Variants in LAMA1 observed in about 807,000 individuals in gnomAD.
The protein encoded by LAMA1 is laminin subunit alpha 1.
In LAMA1, 219 loss-of-function variants were observed where a neutral mutation model predicts 348.7. The observed-to-expected ratio is 0.63, with a 90% confidence interval of 0.56 to 0.70. LAMA1 has a LOEUF of 0.70. Ranked by LOEUF, LAMA1 falls within the 30% of genes least tolerant of loss-of-function variation. The pLI, the probability that LAMA1 is intolerant of heterozygous loss-of-function variation, is 0.00. For synonymous variants in LAMA1, 1,487 were observed against 1,491.0 expected (o/e 1.00, Z 0.06); for missense variants, 3,744 against 3,888.0 (o/e 0.96, Z 0.99).
chr18:6,993,948 G>A (rs2057769521), intron 34 of LAMA1, among the ~76,000 whole-genome samples, 196 bp from the exon 35 acceptor site: 1 of 152,184 alleles, frequency 6.6e-6, no homozygotes, highest in African/African-American at 2.4e-5. Context: ...AGTAGTTAAT[G>A]AAATAATTTA....
intron 1 of LAMA1, among the ~76,000 whole-genome samples, chr18:7,098,507 T>G (rs528420184): frequency 5.1e-4 from 74 of 143,692 alleles, no homozygotes; most frequent in African/African-American, 1.9e-3. Flanking sequence ...CGCCGCCCCG[T>G]CTGGGATGTG....
At chr18:7,037,447 A>G (rs1459384341) in intron 12 of LAMA1, 131 bp downstream of exon 12, 2 of 968,996 alleles carry the variant, frequency 2.1e-6, no homozygotes, top group African/African-American at 1.6e-5. Flanking sequence ...AGATGCAAGT[A>G]CAGGCTATGA....
intron 51 of LAMA1, among the ~76,000 whole-genome samples, chr18:6,963,155 C>A (rs1232576948): frequency 6.6e-6 from 1 of 152,008 alleles, no homozygotes; most frequent in Admixed American, 6.6e-5. Flanking sequence ...ATCTCAATTT[C>A]TTTCCATGTA....
chr18:7,031,186 A>G (rs1748131893), intron 16 of LAMA1, among the ~76,000 whole-genome samples: 1 of 152,154 alleles, frequency 6.6e-6, no homozygotes, highest in Non-Finnish European at 1.5e-5. Flanking sequence ...TTTTGGAAAA[A>G]GCATGAACAT....
In LAMA1 at chr18:6,982,509, T is replaced by A. The variant is rs2057716446; in HGVS notation, c.5878A>T (p.Arg1960Trp). ...GCCACATACTGACCTGGAAGCTTCCTGCTGAGGTTGTTGCCTTCTTTTAGA... is the reference window on the plus strand; with the variant it reads ...GCCACATACTGACCTGGAAGCTTCCAGCTGAGGTTGTTGCCTTCTTTTAGA... ...RFLKEGNNLS[R>W]KLPGIALELS... is the part of the protein sequence containing the mutation. The change falls in exon 41 of 63, where the codon AGG becomes TGG. Residue 1960 changes from arginine to tryptophan, a missense_variant. By Grantham distance (101) the Arg-to-Trp change is moderately radical. Transcript: ENST00000389658. 6 of 1,614,230 alleles carry A rather than the reference T, an allele frequency of 3.7e-6. No individual in the cohort carries two copies. Among genetic ancestry groups the A allele is most frequent in the Non-Finnish European group, 4.2e-6 (5 of 1,180,026 alleles).
intron 9 of LAMA1, among the ~76,000 whole-genome samples, chr18:7,040,612 T>G (rs1158762399): frequency 2.6e-5 from 4 of 152,220 alleles, no homozygotes. Context: ...TTCAAAATGT[T>G]AAGTTATAGA....
chr18:6,998,356 C>G (rs751860045), intron 32 of LAMA1, among the ~76,000 whole-genome samples: 33 of 152,156 alleles, frequency 2.2e-4, no homozygotes, highest in Admixed American at 9.8e-4. Flanking sequence ...TAAGGCAGAA[C>G]TGGAGAACGG....
chr18:6,945,361 G>T (rs2143963369), intron 61 of LAMA1, among the ~76,000 whole-genome samples: 1 of 152,260 alleles, frequency 6.6e-6, no homozygotes, highest in East Asian at 1.9e-4. Context: ...AAGGGCAAAA[G>T]GTCAGACATG....
At chr18:7,023,038 A>T (rs1261002144) in intron 19 of LAMA1, 126 bp downstream of exon 19, 3 of 975,082 alleles carry the variant, frequency 3.1e-6, no homozygotes, top group Admixed American at 4.3e-5. Flanking sequence ...ACCCAGCATT[A>T]ATGCAAGTAA....
chr18:6,970,448 T>C (rs546182546), intron 48 of LAMA1, among the ~76,000 whole-genome samples: 1 of 152,296 alleles, frequency 6.6e-6, no homozygotes, highest in Non-Finnish European at 1.5e-5. Context: ...AGAACGATGA[T>C]CATTTTTCTT....
chr18:6,943,155 TG>T, intron 62 of LAMA1, 24 bp downstream of exon 62: 1 of 1,596,592 alleles, frequency 6.3e-7, no homozygotes, highest in Non-Finnish European at 8.6e-7. Flanking sequence ...CCCTTTTGAG[TG>T]GAAGAGCAGG....
Position 6,985,386 on chromosome 18 carries a change from G to A in LAMA1, c.5511C>T (p.His1837=), listed in dbSNP as rs2057729875. Residue 1837 remains histidine, a synonymous_variant, in exon 39 of 63, where the codon CAC becomes CAT. Coordinates refer to ENST00000389658, the MANE Select transcript of LAMA1 (RefSeq NM_005559.4). ...CAGACCATAAAAGTAGCTTATCCTGGTGATCCTCTAAGTGCTACATGGAGA... is the reference window on the plus strand; with the variant it reads ...CAGACCATAAAAGTAGCTTATCCTGATGATCCTCTAAGTGCTACATGGAGA... ...VQDALEHLED[H]QDKLLLWSAK... is the part of the protein sequence containing the mutation. 1.2e-6 allele frequency: 2 copies of A among 1,614,144 alleles called. No individual in the cohort carries two copies. The highest frequency in any genetic ancestry group is 1.1e-5 in the South Asian group (1 of 91,074).
At chr18:6,971,832 G>A (rs1055270118) in intron 48 of LAMA1, 25 bp downstream of exon 48, 4 of 1,613,678 alleles carry the variant, frequency 2.5e-6, no homozygotes, top group South Asian at 1.1e-5. Flanking sequence ...AACATACTAT[G>A]TGCTAAACCG....
At position 7,037,734 on chromosome 18, in the gene LAMA1, C is replaced by G. The variant is rs1170947217; in HGVS notation, c.1581G>C (p.Gly527=). Reference sequence around the variant, plus strand: ...GACTGATCAAGTCGGTGACCAGCCACCCGGACATACTGTTTACCTTAAAAA... The same window carrying G: ...GACTGATCAAGTCGGTGACCAGCCAGCCGGACATACTGTTTACCTTAAAAA... The part of the protein sequence containing the change: ...WPVGQVNSMS[G]WLVTDLISPR... The change falls in exon 12 of 63, where the codon GGG becomes GGC. Residue 527 remains glycine, a synonymous_variant. Transcript: ENST00000389658. 1 of 1,614,144 alleles carries G rather than the reference C, an allele frequency of 6.2e-7. No individual in the cohort carries two copies. The highest frequency in any genetic ancestry group is 1.1e-5 in the South Asian group (1 of 91,080).
chr18:7,115,668 T>C (rs1377442971), intron 1 of LAMA1, among the ~76,000 whole-genome samples: 1 of 149,674 alleles, frequency 6.7e-6, no homozygotes, highest in Non-Finnish European at 1.5e-5. Flanking sequence ...AAATCGTTTC[T>C]TAAAAAAAAA....
At chr18:6,989,059 T>C (rs1157290335) in intron 36 of LAMA1, among the ~76,000 whole-genome samples, 1 of 152,124 alleles carries the variant, frequency 6.6e-6, no homozygotes, top group Non-Finnish European at 1.5e-5. Flanking sequence ...GAACACCTGC[T>C]TTCCTTCTGG....
At chr18:6,962,156 T>G (rs1215437917) in intron 51 of LAMA1, 97 bp from the exon 52 acceptor site, 40 of 823,348 alleles carry the variant, frequency 4.9e-5, no homozygotes, top group Non-Finnish European at 3.2e-5. Context: ...GCACAGTGGC[T>G]TATGCCTGTA....
At chr18:6,966,456 A>T (rs978645122) in intron 48 of LAMA1, among the ~76,000 whole-genome samples, 159 bp from the exon 49 acceptor site, 1 of 152,234 alleles carries the variant, frequency 6.6e-6, no homozygotes, top group Non-Finnish European at 1.5e-5. Context: ...TATGCTTGCC[A>T]TGTGAAGATG....
chr18:7,063,225 C>A (rs1319278512), intron 3 of LAMA1, among the ~76,000 whole-genome samples: 1 of 152,022 alleles, frequency 6.6e-6, no homozygotes, highest in Non-Finnish European at 1.5e-5. Flanking sequence ...TTATATGGAT[C>A]CTTGGTCTAT....
Sources: allele counts gnomAD v4.1 joint callset (sites outside exome capture counted in the v4.1 genomes callset), GRCh38; gene constraint gnomAD v4.1.1; transcripts MANE v1.5; gene names NCBI Gene and HGNC (gene_info 2026-07-23, HGNC 2026-07-21).